Variants in KCNH8 observed in about 807,000 individuals in gnomAD.
KCNH8 encodes the protein potassium voltage-gated channel subfamily H member 8.
A neutral mutation model predicts 103.6 loss-of-function variants in KCNH8; 70 were observed. The ratio of observed to expected loss-of-function variants is 0.68; its 90% CI spans 0.56 to 0.82. The LOEUF (loss-of-function observed/expected upper bound fraction) is 0.82, where lower values mean the gene tolerates loss of function less well. KCNH8 is among the 40% of genes least tolerant of loss of function. KCNH8 has a pLI of 0.00. For synonymous variants in KCNH8, 498 were observed against 489.4 expected (o/e 1.02, Z -0.23); for missense variants, 1,217 against 1,329.9 (o/e 0.92, Z 1.32).
intron 2 of KCNH8, among the ~76,000 whole-genome samples, chr3:19,264,504 G>A (rs1308207935): frequency 6.6e-6 from 1 of 152,006 alleles, no homozygotes; most frequent in Non-Finnish European, 1.5e-5. Flanking sequence ...ACTGACCCAC[G>A]CTCTGCAGCC....
chr3:19,262,248 C>G (rs1328681978), intron 2 of KCNH8, among the ~76,000 whole-genome samples: 1 of 151,928 alleles, frequency 6.6e-6, no homozygotes, highest in Non-Finnish European at 1.5e-5. Context: ...CATGGACTAT[C>G]TTTCCATTAT....
chr3:19,517,383 A>C (rs1315540192), intron 14 of KCNH8, among the ~76,000 whole-genome samples: 7 of 152,158 alleles, frequency 4.6e-5, no homozygotes, highest in African/African-American at 1.7e-4. Flanking sequence ...TTATCTGTCA[A>C]ATCTTTTCCA....
intron 5 of KCNH8, among the ~76,000 whole-genome samples, chr3:19,371,182 C>T (rs1297979926): frequency 6.8e-6 from 1 of 148,088 alleles, no homozygotes; most frequent in Non-Finnish European, 1.5e-5. Flanking sequence ...GAGGAATCGC[C>T]ACACTGACTT....
intron 1 of KCNH8, among the ~76,000 whole-genome samples, chr3:19,222,913 C>G (rs1466861476): frequency 6.6e-6 from 1 of 152,132 alleles, no homozygotes; most frequent in Admixed American, 6.5e-5. Flanking sequence ...GGTGCACAAC[C>G]CCATGCTAAG....
intron 3 of KCNH8, among the ~76,000 whole-genome samples, chr3:19,298,942 A>AAG (rs1559465646): frequency 6.6e-6 from 1 of 151,128 alleles, no homozygotes; most frequent in African/African-American, 2.4e-5. Flanking sequence ...AAAAAAAAAA[A>AAG]AGAGAAACAA....
intron 5 of KCNH8, among the ~76,000 whole-genome samples, chr3:19,381,490 G>A (rs1445016131): frequency 6.6e-6 from 1 of 152,068 alleles, no homozygotes; most frequent in Non-Finnish European, 1.5e-5. Flanking sequence ...GAAATTACCT[G>A]AACATGACAC....
intron 11 of KCNH8, among the ~76,000 whole-genome samples, chr3:19,492,877 G>A (rs890390457): frequency 4.3e-5 from 5 of 116,446 alleles, no homozygotes; most frequent in African/African-American, 1.3e-4. Context: ...GTGTGTGTGT[G>A]TGTGTGTGAT....
At chr3:19,170,667 T>C (rs199578994) in intron 1 of KCNH8, among the ~76,000 whole-genome samples, 9 of 138,724 alleles carry the variant, frequency 6.5e-5, no homozygotes, top group African/African-American at 2.0e-4. Context: ...TATACACACA[T>C]ATATATACAC....
chr3:19,491,260 T>C (rs1025653243), intron 11 of KCNH8, among the ~76,000 whole-genome samples: 2 of 152,154 alleles, frequency 1.3e-5, no homozygotes, highest in African/African-American at 4.8e-5. Context: ...GCAGGTTTAT[T>C]ACATGGGGAT....
intron 3 of KCNH8, among the ~76,000 whole-genome samples, chr3:19,295,805 G>GA (rs1011646156): frequency 3.9e-5 from 6 of 152,044 alleles, no homozygotes; most frequent in Admixed American, 2.0e-4. Flanking sequence ...TGCCAGTGGG[G>GA]AAAAAAACAG....
chr3:19,295,261 G>A (rs2064980874), intron 3 of KCNH8, among the ~76,000 whole-genome samples: 1 of 151,956 alleles, frequency 6.6e-6, no homozygotes, highest in African/African-American at 2.4e-5. Flanking sequence ...GTTCATACCT[G>A]TGGTCCCAGT....
At chr3:19,366,515 A>G (rs898974630) in intron 5 of KCNH8, among the ~76,000 whole-genome samples, 4 of 152,116 alleles carry the variant, frequency 2.6e-5, no homozygotes, top group Non-Finnish European at 5.9e-5. Flanking sequence ...GATATTAAGA[A>G]TGGAATGTTA....
intron 2 of KCNH8, among the ~76,000 whole-genome samples, chr3:19,258,947 C>CTCTCTCTCTCTATA (rs1321918245): frequency 4.0e-5 from 1 of 24,802 alleles, no homozygotes; most frequent in Non-Finnish European, 8.0e-5. Context: ...CTCTCTCTCT[C>CTCTCTCTCTCTATA]TATATATATA....
chr3:19,327,623 A>ATTACACTT (rs2065442126), intron 3 of KCNH8, among the ~76,000 whole-genome samples: 1 of 152,090 alleles, frequency 6.6e-6, no homozygotes, highest in African/African-American at 2.4e-5. Context: ...CTAACCTTTT[A>ATTACACTT]TTACACTTTC....
intron 5 of KCNH8, among the ~76,000 whole-genome samples, chr3:19,375,371 G>C (rs1275434011): frequency 3.3e-5 from 5 of 150,394 alleles, no homozygotes; most frequent in Non-Finnish European, 7.4e-5. Flanking sequence ...TTCCATTGCT[G>C]ATACCCTTTC....
intron 15 of KCNH8, among the ~76,000 whole-genome samples, chr3:19,518,778 A>G (rs977416415): frequency 1.3e-5 from 2 of 151,944 alleles, no homozygotes; most frequent in Admixed American, 1.3e-4. Context: ...CCACTTATCT[A>G]CTTTTTATTT....
At chr3:19,308,140 C>G (rs2065154132) in intron 3 of KCNH8, among the ~76,000 whole-genome samples, 1 of 151,826 alleles carries the variant, frequency 6.6e-6, no homozygotes, top group Non-Finnish European at 1.5e-5. Flanking sequence ...ATTGAAACAG[C>G]ACTAGGTACT....
Position 19,515,414 on chromosome 3 carries a change from C to G in KCNH8, c.2528C>G (p.Ser843Cys). 3 of 1,537,698 alleles carry G rather than the reference C, an allele frequency of 2.0e-6. No homozygotes were observed. Among genetic ancestry groups the G allele is most frequent in the South Asian group, 1.3e-5 (1 of 78,564 alleles). The stretch of plus-strand genomic sequence containing the variant: ...CGAATCAGATCAGAGCCCAGAATTT[C>G]TCCTCCTCTTGGAGGTAAGATCTAT... ...SERIRSEPRI[S>C]PPLGDPEIGA... The change falls in exon 14 of 16, where the codon TCT becomes TGT. Residue 843 changes from serine to cysteine, a missense_variant. Transcript: ENST00000328405.
chr3:19,326,436 T>G (rs1479065489), intron 3 of KCNH8, among the ~76,000 whole-genome samples: 1 of 150,424 alleles, frequency 6.6e-6, no homozygotes, highest in Admixed American at 6.6e-5. Flanking sequence ...TAACTAGACA[T>G]GACCAGAGCC....
Sources: gnomAD v4.1 joint callset for allele counts (sites outside exome capture counted in the v4.1 genomes callset) on GRCh38, gnomAD v4.1.1 for gene constraint, MANE v1.5 for transcripts, NCBI Gene and HGNC (gene_info 2026-07-23, HGNC 2026-07-21) for gene names.